Variants in CPT1A observed in about 807,000 individuals in gnomAD.
CPT1A encodes carnitine O-palmitoyltransferase 1, liver isoform.
In CPT1A, 64 loss-of-function variants were observed where a neutral mutation model predicts 100.8. The observed-to-expected ratio is 0.63, with a 90% CI of 0.52 to 0.78. The LOEUF (loss-of-function observed/expected upper bound fraction) is 0.78, where lower values mean the gene tolerates loss of function less well. Among genes scored for constraint, CPT1A ranks in the 30% least tolerant of loss-of-function variants. The pLI, the probability that CPT1A is intolerant of heterozygous loss-of-function variation, is 0.00. For synonymous variants in CPT1A, 363 were observed against 396.0 expected (o/e 0.92, Z 0.99); for missense variants, 802 against 1,034.1 (o/e 0.78, Z 3.08).
At chr11:68,789,146 G>C (rs1286006139) in intron 9 of CPT1A, among the ~76,000 whole-genome samples, 1 of 152,170 alleles carries the variant, frequency 6.6e-6, no homozygotes, top group African/African-American at 2.4e-5. Flanking sequence ...TCTGCTAAAA[G>C]ATTTTCTAAA....
chr11:68,793,389 C>A lies in CPT1A; in HGVS notation c.893G>T (p.Gly298Val), dbSNP rs1310052561. 16 of 1,610,358 alleles carry A rather than the reference C, an allele frequency of 9.9e-6. No individual in the cohort carries two copies. The East Asian group carries it at 1.3e-4, about 13-fold the overall frequency. ...AGCGGAGCAGAGTGGAATCGTGGAT[C>A]CCAAAAGACGAATCTGTAACAAAAA... ...REEIKPIRLL[G>V]STIPLCSAQW... The change falls in exon 9 of 19, where the codon GGA (glycine) becomes GTA (valine). Residue 298 changes from glycine to valine, a missense_variant. By Grantham distance (109) the Gly-to-Val change is moderately radical. Transcript: ENST00000265641.
intron 14 of CPT1A, among the ~76,000 whole-genome samples, chr11:68,770,993 C>T (rs772525042): frequency 2.0e-5 from 3 of 152,220 alleles, no homozygotes; most frequent in African/African-American, 4.8e-5. Context: ...TCCTCGGGGC[C>T]GTCCTGAAGT....
At chr11:68,811,592 A>C (rs1856209785) in intron 3 of CPT1A, among the ~76,000 whole-genome samples, 1 of 152,188 alleles carries the variant, frequency 6.6e-6, no homozygotes, top group South Asian at 2.1e-4. Context: ...CACAGATTTC[A>C]GAGCTGCGCA....
At chr11:68,771,192 G>A (rs2123869) in intron 14 of CPT1A, among the ~76,000 whole-genome samples, 125,712 of 152,130 alleles carry the variant, frequency 0.83, 52,076 homozygotes, top group East Asian at 0.88. Flanking sequence ...TGGACCAGAG[G>A]CCTTTTCAGG....
chr11:68,840,659 G>A (rs936411873), intron 1 of CPT1A, among the ~76,000 whole-genome samples: 1 of 152,204 alleles, frequency 6.6e-6, no homozygotes, highest in African/African-American at 2.4e-5. Context: ...TTTTTTTAAA[G>A]TAAGATCGGC....
chr11:68,760,384 G>T lies in CPT1A; in HGVS notation c.2029-46C>A, dbSNP rs117013033. ...ATGTTTCCTAATCCCCTCCTCTACC[G>T]TCCCTCAGGAGTCGCTTTGGGAAGA... On this transcript the variant is annotated intron_variant, in intron 16 of 18. Transcript: ENST00000265641. The T allele has an allele frequency of 3.3e-5, 48 of 1,471,440 alleles. No homozygotes were observed. The East Asian group carries it at 1.0e-3, about 32-fold the overall frequency. The allele number at this position is 1,471,440 out of a possible 1,614,324, so 91.1% of individuals were successfully genotyped here. A position where few individuals can be genotyped will look rare whatever the true frequency, so the allele number is the denominator to read the frequency against.
Position 68,757,466 on chromosome 11 carries a change from A to G in CPT1A, c.*178T>C. On this transcript the variant is annotated 3_prime_UTR_variant, in exon 19 of 19. Transcript: ENST00000265641. ...GGGCAAGTCTGGAAGTAGTGGGGTT[A>G]TGCTTCACAGGGGAGAGATACTGTT... 1.4e-6 allele frequency: 2 copies of G among 1,473,586 alleles called. No individual in the cohort carries two copies. The highest frequency in any genetic ancestry group is 1.4e-5 in the South Asian group (1 of 72,852). The allele number at this position is 1,473,586 out of a possible 1,614,324, so 91.3% of individuals were successfully genotyped here. A position where few individuals can be genotyped will look rare whatever the true frequency, so the allele number is the denominator to read the frequency against.
intron 13 of CPT1A, among the ~76,000 whole-genome samples, chr11:68,774,252 G>A (rs550688144): frequency 1.3e-5 from 2 of 152,132 alleles, no homozygotes; most frequent in African/African-American, 4.8e-5. Context: ...AATTCGTTCT[G>A]AGAAGGCAAG....
intron 14 of CPT1A, among the ~76,000 whole-genome samples, chr11:68,771,288 G>A (rs772662906): frequency 6.6e-6 from 1 of 152,202 alleles, no homozygotes; most frequent in African/African-American, 2.4e-5. Flanking sequence ...AAACTGGAGC[G>A]TGGCATTTCC....
chr11:68,761,104 C>A (rs917903514), intron 16 of CPT1A, among the ~76,000 whole-genome samples: 2 of 150,170 alleles, frequency 1.3e-5, no homozygotes, highest in African/African-American at 4.9e-5. Flanking sequence ...AGCTACTCAG[C>A]AGGCTAAGGA....
At chr11:68,833,573 A>C (rs894331389) in intron 1 of CPT1A, among the ~76,000 whole-genome samples, 1 of 152,124 alleles carries the variant, frequency 6.6e-6, no homozygotes, top group South Asian at 2.1e-4. Context: ...CCTGGCCAAC[A>C]TGGTGAAACC....
intron 5 of CPT1A, among the ~76,000 whole-genome samples, chr11:68,801,027 C>T (rs1855892664): frequency 1.3e-5 from 2 of 151,280 alleles, no homozygotes; most frequent in South Asian, 2.1e-4. Context: ...GAGGATCACT[C>T]GGGCCCAGGA....
chr11:68,819,307 T>G (rs1479505411), intron 1 of CPT1A, among the ~76,000 whole-genome samples: 1 of 152,104 alleles, frequency 6.6e-6, no homozygotes, highest in East Asian at 1.9e-4. Context: ...CCCGAACTGC[T>G]GAGCTCAAAT....
intron 18 of CPT1A, 101 bp downstream of exon 18, chr11:68,759,468 G>T (rs1392221429): frequency 1.1e-5 from 9 of 830,194 alleles, no homozygotes; most frequent in Non-Finnish European, 1.6e-5. Flanking sequence ...AAAGCAGGCA[G>T]TTGAATTGAC....
At chr11:68,837,940 G>A (rs899054146) in intron 1 of CPT1A, among the ~76,000 whole-genome samples, 1 of 152,172 alleles carries the variant, frequency 6.6e-6, no homozygotes, top group Non-Finnish European at 1.5e-5. Context: ...GGGTGAGTTA[G>A]GAAGAAGTAG....
At chr11:68,759,151 T>A (rs1468135572) in intron 18 of CPT1A, among the ~76,000 whole-genome samples, 1 of 151,866 alleles carries the variant, frequency 6.6e-6, no homozygotes, top group Non-Finnish European at 1.5e-5. Context: ...CTCAGCACTT[T>A]GGGAGGTCGA....
At chr11:68,773,458 G>A (rs758558432) in intron 13 of CPT1A, 29 bp from the exon 14 acceptor site, 4 of 1,613,856 alleles carry the variant, frequency 2.5e-6, no homozygotes, top group East Asian at 2.2e-5. Context: ...AAGGTTTTAC[G>A]GAACGAGGGG....
chr11:68,771,764 G>A (rs557319890), intron 14 of CPT1A, among the ~76,000 whole-genome samples: 4 of 152,336 alleles, frequency 2.6e-5, no homozygotes, highest in Admixed American at 2.6e-4. Flanking sequence ...ACTTTAGGTG[G>A]AGAGAGCATA....
intron 14 of CPT1A, among the ~76,000 whole-genome samples, chr11:68,763,612 A>T (rs900309136): frequency 1.3e-5 from 2 of 152,136 alleles, no homozygotes; most frequent in African/African-American, 2.4e-5. Flanking sequence ...TGGCAGATGC[A>T]CAGGGAAGGT....
Sources: gnomAD v4.1 joint callset for allele counts (sites outside exome capture counted in the v4.1 genomes callset) on GRCh38, gnomAD v4.1.1 for gene constraint, MANE v1.5 for transcripts, NCBI Gene and HGNC (gene_info 2026-07-23, HGNC 2026-07-21) for gene names.